GNPTAB: variants seen among roughly 807,000 people sequenced by gnomAD.
GNPTAB encodes N-acetylglucosamine-1-phosphotransferase subunits alpha/beta.
In GNPTAB, 92 loss-of-function variants were observed where a neutral mutation model predicts 136.6. The observed-to-expected ratio is 0.67, with a 90% CI of 0.57 to 0.80. GNPTAB has a LOEUF of 0.80. Ranked by LOEUF, GNPTAB falls within the 30% of genes least tolerant of loss-of-function variation. GNPTAB has a pLI of 0.00. For synonymous variants in GNPTAB, 512 were observed against 535.1 expected (o/e 0.96, Z 0.60); for missense variants, 1,343 against 1,501.8 (o/e 0.89, Z 1.75).
intron 1 of GNPTAB, among the ~76,000 whole-genome samples, chr12:101,822,895 C>T (rs4764822): frequency 0.28 from 42,604 of 152,084 alleles, 6,499 homozygotes; most frequent in East Asian, 0.61. Flanking sequence ...ATGACAATTA[C>T]AGCCAGCTGC....
At chr12:101,761,851 A>G in intron 13 of GNPTAB, 88 bp from the exon 14 acceptor site, 1 of 982,772 alleles carries the variant, frequency 1.0e-6, no homozygotes, top group South Asian at 1.3e-5. Context: ...ATGTGGTAAT[A>G]ACTAGTCACG....
At position 101,765,614 on chromosome 12, in the gene GNPTAB, T is replaced by C. The variant is rs113117727; in HGVS notation, c.1613-310A>G. On this transcript the variant is annotated intron_variant, in intron 12 of 20. Transcript: ENST00000299314. ...ATTTCACTATCTGAGGCAGTCACAA[T>C]AATTACCATGAAATAGTGATCCTGA... 8.3e-4 allele frequency: 323 copies of C among 387,752 alleles called. 4 individuals are homozygous for C. Among genetic ancestry groups the C allele is most frequent in the African/African-American group, 6.2e-3 (302 of 48,888 alleles). 24.0% of individuals were successfully genotyped at this position (387,752 alleles called of 1,614,324 possible).
At chr12:101,762,902 T>TA (rs1281973860) in intron 13 of GNPTAB, among the ~76,000 whole-genome samples, 34 of 118,836 alleles carry the variant, frequency 2.9e-4, no homozygotes, top group Non-Finnish European at 4.7e-4. Context: ...TTTTGTAAAT[T>TA]TAAAAAAAAA....
intron 19 of GNPTAB, 64 bp downstream of exon 19, chr12:101,753,306 CAT>C: frequency 8.3e-7 from 1 of 1,197,690 alleles, no homozygotes; most frequent in Non-Finnish European, 1.2e-6. Flanking sequence ...TCATCACTAA[CAT>C]ATAGATACAT....
chr12:101,801,171 G>A (rs1043105315), intron 1 of GNPTAB, among the ~76,000 whole-genome samples: 6 of 138,138 alleles, frequency 4.3e-5, no homozygotes, highest in South Asian at 2.4e-4. Flanking sequence ...GGTGGAGGCT[G>A]CAGTGAGCCA....
In GNPTAB at chr12:101,746,272, C is replaced by CTT. The variant is rs1555267519; in HGVS notation, c.*891_*892insAA. The CTT allele has an allele frequency of 2.0e-5, 3 of 152,132 alleles. No individual in the cohort carries two copies. Among genetic ancestry groups the CTT allele is most frequent in the Admixed American group, 6.5e-5 (1 of 15,272 alleles). 9.4% of individuals were successfully genotyped at this position (152,132 alleles called of 1,614,324 possible). On this transcript the variant is annotated 3_prime_UTR_variant, in exon 21 of 21. Coordinates refer to ENST00000299314, the MANE Select transcript of GNPTAB (RefSeq NM_024312.5). ...GCCTTTTACAAAGAAAGTTTGCTGG[C>CTT]CTCTGTTCTATCAAAAACCAACTGA...
At chr12:101,808,498 C>T (rs1870054204) in intron 1 of GNPTAB, among the ~76,000 whole-genome samples, 1 of 151,804 alleles carries the variant, frequency 6.6e-6, no homozygotes, top group Admixed American at 6.6e-5. Flanking sequence ...GTCGTGTTCA[C>T]GCCACTGCAC....
At chr12:101,822,392 C>T (rs962386610) in intron 1 of GNPTAB, among the ~76,000 whole-genome samples, 2 of 152,018 alleles carry the variant, frequency 1.3e-5, no homozygotes, top group Admixed American at 6.6e-5. Context: ...CCAACCTGGG[C>T]GACAGCGAGA....
chr12:101,786,814 A>C (rs1868673534), intron 4 of GNPTAB, among the ~76,000 whole-genome samples: 1 of 152,244 alleles, frequency 6.6e-6, no homozygotes, highest in Non-Finnish European at 1.5e-5. Context: ...AGTAGGACCT[A>C]TAACCAGTTA....
At chr12:101,816,029 C>G (rs1474072844) in intron 1 of GNPTAB, among the ~76,000 whole-genome samples, 2 of 152,142 alleles carry the variant, frequency 1.3e-5, no homozygotes, top group Non-Finnish European at 2.9e-5. Context: ...TACCTCTCAC[C>G]ACATACAAAA....
chr12:101,817,649 T>G (rs1445185929), intron 1 of GNPTAB, among the ~76,000 whole-genome samples: 6 of 152,180 alleles, frequency 3.9e-5, no homozygotes, highest in Non-Finnish European at 7.3e-5. Flanking sequence ...GCCATAATAA[T>G]TAAAAATTAA....
At chr12:101,771,607 G>C (rs1953177911) in intron 7 of GNPTAB, among the ~76,000 whole-genome samples, 1 of 152,146 alleles carries the variant, frequency 6.6e-6, no homozygotes, top group East Asian at 1.9e-4. Flanking sequence ...ACACAGACCA[G>C]ATGCATTTCC....
At chr12:101,812,795 T>G (rs1056509595) in intron 1 of GNPTAB, among the ~76,000 whole-genome samples, 1 of 152,112 alleles carries the variant, frequency 6.6e-6, no homozygotes, top group Non-Finnish European at 1.5e-5. Flanking sequence ...TTCCTCTCCA[T>G]GAAAATATTT....
intron 2 of GNPTAB, among the ~76,000 whole-genome samples, chr12:101,790,544 T>A (rs1868925845): frequency 6.6e-6 from 1 of 151,974 alleles, no homozygotes; most frequent in African/African-American, 2.4e-5. Flanking sequence ...GGTGGGAGGA[T>A]CACTTGAGCC....
At chr12:101,826,653 T>G (rs1397922209) in intron 1 of GNPTAB, among the ~76,000 whole-genome samples, 1 of 152,092 alleles carries the variant, frequency 6.6e-6, no homozygotes, top group Non-Finnish European at 1.5e-5. Flanking sequence ...TTTTCCTGAG[T>G]GTGAAGAATT....
Position 101,798,257 on chromosome 12 carries a change from T to TCTCCTTTGCCAG in GNPTAB, c.118-1507_118-1496dup, listed in dbSNP as rs1276204491. Among the ~76,000 whole-genome samples, 16 of 152,304 alleles carry TCTCCTTTGCCAG rather than the reference T, an allele frequency of 1.1e-4. No individual in the cohort carries two copies. The East Asian group carries it at 2.3e-3, about 22-fold the overall frequency. ...TGTCGCCCTGGTGGCTCCTTTTCCATCTCCTTTGCCAGCTCATTCCCTTCT... is the reference window on the plus strand; with the variant it reads ...TGTCGCCCTGGTGGCTCCTTTTCCATCTCCTTTGCCAGCTCCTTTGCCAGCTCATTCCCTTCT... On this transcript the variant is annotated intron_variant, in intron 1 of 20. Transcript: ENST00000299314.
At chr12:101,771,426 T>G (rs541442326) in intron 7 of GNPTAB, among the ~76,000 whole-genome samples, 5 of 152,082 alleles carry the variant, frequency 3.3e-5, no homozygotes, top group Admixed American at 6.6e-5. Context: ...GTACTTTTAG[T>G]AGAGACAGGG....
chr12:101,756,543 C>A, intron 18 of GNPTAB: 2 of 341,024 alleles, frequency 5.9e-6, no homozygotes, highest in Non-Finnish European at 1.2e-5. Context: ...TACTGCATTC[C>A]AGCTTGGACA....
chr12:101,751,107 G>T (rs1337559081), intron 19 of GNPTAB, among the ~76,000 whole-genome samples: 1 of 152,006 alleles, frequency 6.6e-6, no homozygotes, highest in Non-Finnish European at 1.5e-5. Context: ...CTCTCCTGGG[G>T]GTCCATTCTC....
Sources: gnomAD v4.1 joint callset for allele counts (sites outside exome capture counted in the v4.1 genomes callset) on GRCh38, gnomAD v4.1.1 for gene constraint, MANE v1.5 for transcripts, NCBI Gene and HGNC (gene_info 2026-07-23, HGNC 2026-07-21) for gene names.